The following PTPRT variants were observed in gnomAD, a reference collection of about 807,000 sequenced individuals.
PTPRT encodes protein tyrosine phosphatase receptor type T, also known as receptor-type tyrosine-protein phosphatase T.
A neutral mutation model predicts 176.8 loss-of-function variants in PTPRT; 56 were observed. The ratio of observed to expected loss-of-function variants is 0.32; its 90% CI spans 0.26 to 0.40. PTPRT has a LOEUF of 0.40. Among genes scored for constraint, PTPRT ranks in the 10% least tolerant of loss-of-function variants. The pLI, the probability that PTPRT is intolerant of heterozygous loss-of-function variation, is 1.00. For missense variants in PTPRT, 1,540 were observed against 1,908.2 expected (o/e 0.81, Z 3.60); for synonymous variants, 783 against 739.0 (o/e 1.06, Z -0.96).
rs536925364 is a variant in PTPRT, at chr20:42,079,474, A to T, written c.*1405T>A. 1.6e-4 allele frequency: 36 copies of T among 221,740 alleles called. No homozygotes were observed. The highest frequency in any genetic ancestry group is 7.4e-4 in the African/African-American group (33 of 44,762). 13.7% of individuals were successfully genotyped at this position (221,740 alleles called of 1,614,324 possible). A position where few individuals can be genotyped will look rare whatever the true frequency, so the allele number is the denominator to read the frequency against. ...CATTGGAGGAGATGATCAAATGGAG[A>T]TGATAACAAGTCAGTAGCTCTCTCC... On this transcript the variant is annotated 3_prime_UTR_variant, in exon 31 of 31. Coordinates refer to ENST00000373187, the MANE Select transcript of PTPRT (RefSeq NM_007050.6).
intron 7 of PTPRT, among the ~76,000 whole-genome samples, chr20:42,499,148 T>A (rs2071704510): frequency 6.6e-6 from 1 of 152,132 alleles, no homozygotes; most frequent in Non-Finnish European, 1.5e-5. Flanking sequence ...AGGAAGTGGC[T>A]ACAAAATTAA....
At chr20:42,619,038 A>G (rs143002082) in intron 7 of PTPRT, among the ~76,000 whole-genome samples, 30,510 of 149,560 alleles carry the variant, frequency 0.2, 4,218 homozygotes, top group African/African-American at 0.4. Context: ...CCTAGTCTCG[A>G]TGGTCTTTAC....
In PTPRT at chr20:42,074,554, A is replaced by C. The variant is rs1009832778; in HGVS notation, c.*6325T>G. Reference sequence around the variant, plus strand: ...AGAGCAGTTCTCAGATATAGAAGGAAGCCCCATAATGATCAAGCCCCTAAA... The same window carrying C: ...AGAGCAGTTCTCAGATATAGAAGGACGCCCCATAATGATCAAGCCCCTAAA... On this transcript the variant is annotated 3_prime_UTR_variant, in exon 31 of 31. Coordinates refer to ENST00000373187, the MANE Select transcript of PTPRT (RefSeq NM_007050.6). The C allele has an allele frequency of 7.8e-6, 3 of 382,662 alleles. No homozygotes were observed. Among genetic ancestry groups the C allele is most frequent in the African/African-American group, 6.2e-5 (3 of 48,284 alleles). The allele number at this position is 382,662 out of a possible 1,614,324, so 23.7% of individuals were successfully genotyped here. A position where few individuals can be genotyped will look rare whatever the true frequency, so the allele number is the denominator to read the frequency against.
chr20:42,706,756 C>T (rs1199654700), intron 6 of PTPRT, among the ~76,000 whole-genome samples: 2 of 152,130 alleles, frequency 1.3e-5, no homozygotes, highest in Non-Finnish European at 2.9e-5. Flanking sequence ...CCTAAAAATA[C>T]AATTACAGCA....
intron 14 of PTPRT, among the ~76,000 whole-genome samples, chr20:42,248,267 G>C (rs1376863299): frequency 6.6e-6 from 1 of 152,148 alleles, no homozygotes. Flanking sequence ...TGGAAATCAG[G>C]GGCAAACGGA....
intron 6 of PTPRT, among the ~76,000 whole-genome samples, chr20:42,691,396 A>T (rs1387986096): frequency 6.6e-6 from 1 of 152,228 alleles, no homozygotes; most frequent in Admixed American, 6.5e-5. Flanking sequence ...GTTATTTTGC[A>T]AATTCTTCTC....
chr20:42,887,614 T>C (rs1026504075), intron 1 of PTPRT, among the ~76,000 whole-genome samples: 1 of 152,204 alleles, frequency 6.6e-6, no homozygotes, highest in African/African-American at 2.4e-5. Flanking sequence ...AAATTCTTTC[T>C]CTGCACCCCA....
chr20:42,198,312 T>G (rs1991313057), intron 16 of PTPRT, among the ~76,000 whole-genome samples: 1 of 152,144 alleles, frequency 6.6e-6, no homozygotes, highest in African/African-American at 2.4e-5. Context: ...GGGGATAAAT[T>G]TTTTCTTTCT....
chr20:43,048,833 G>C (rs773070100), intron 1 of PTPRT, among the ~76,000 whole-genome samples: 45 of 152,106 alleles, frequency 3.0e-4, no homozygotes, highest in Admixed American at 2.0e-3. Flanking sequence ...GGGCCTGTGG[G>C]GGGAGAGAGG....
intron 15 of PTPRT, among the ~76,000 whole-genome samples, chr20:42,200,914 T>G (rs1038689326): frequency 6.6e-6 from 1 of 152,128 alleles, no homozygotes; most frequent in Admixed American, 6.5e-5. Flanking sequence ...TCAAATCCAG[T>G]GCAATACAGG....
At chr20:42,316,114 A>T (rs1600824823) in intron 11 of PTPRT, 118 bp from the exon 12 acceptor site, 6 of 1,143,212 alleles carry the variant, frequency 5.2e-6, no homozygotes, top group Non-Finnish European at 7.4e-6. Context: ...GGTCTACAAC[A>T]AAACTCCAGT....
intron 1 of PTPRT, among the ~76,000 whole-genome samples, chr20:43,061,407 G>A (rs1164777038): frequency 6.6e-6 from 1 of 152,156 alleles, no homozygotes; most frequent in East Asian, 1.9e-4. Context: ...TATCAAATGT[G>A]CTCGGCCTCA....
chr20:42,955,683 C>A (rs111720244), intron 1 of PTPRT, among the ~76,000 whole-genome samples: 1 of 152,064 alleles, frequency 6.6e-6, no homozygotes, highest in Admixed American at 6.5e-5. Flanking sequence ...CTGAGGCTCA[C>A]GAAGACTACC....
At chr20:42,458,022 G>T (rs1156528817) in intron 8 of PTPRT, among the ~76,000 whole-genome samples, 1 of 152,154 alleles carries the variant, frequency 6.6e-6, no homozygotes, top group Non-Finnish European at 1.5e-5. Flanking sequence ...GTTGGTCAAA[G>T]TTGGAGGTAC....
At chr20:43,126,723 C>G (rs1284451797) in intron 1 of PTPRT, among the ~76,000 whole-genome samples, 1 of 152,108 alleles carries the variant, frequency 6.6e-6, no homozygotes, top group African/African-American at 2.4e-5. Context: ...ATGACACCAC[C>G]CCCTCCAGCC....
intron 7 of PTPRT, among the ~76,000 whole-genome samples, chr20:42,596,789 C>T (rs1300553816): frequency 6.6e-6 from 1 of 152,182 alleles, no homozygotes; most frequent in Non-Finnish European, 1.5e-5. Context: ...TATATTTTAA[C>T]CTCTTAGATT....
At chr20:42,786,370 G>C (rs6124493) in intron 3 of PTPRT, among the ~76,000 whole-genome samples, 2 of 152,254 alleles carry the variant, frequency 1.3e-5, no homozygotes, top group East Asian at 3.9e-4. Flanking sequence ...AATGATGACA[G>C]GATACAGCTA....
At chr20:42,431,900 T>C (rs1267401349) in intron 9 of PTPRT, among the ~76,000 whole-genome samples, 2 of 152,150 alleles carry the variant, frequency 1.3e-5, no homozygotes, top group African/African-American at 4.8e-5. Flanking sequence ...TTTATCCAAG[T>C]GGTAACACAG....
At chr20:42,465,592 A>C (rs1290900458) in intron 8 of PTPRT, among the ~76,000 whole-genome samples, 1 of 152,208 alleles carries the variant, frequency 6.6e-6, no homozygotes, top group Non-Finnish European at 1.5e-5. Flanking sequence ...TTATATAAGA[A>C]GTAGGAAGAA....
Sources: gnomAD v4.1 joint callset for allele counts (sites outside exome capture counted in the v4.1 genomes callset) on GRCh38, gnomAD v4.1.1 for gene constraint, MANE v1.5 for transcripts, NCBI Gene and HGNC (gene_info 2026-07-23, HGNC 2026-07-21) for gene names.